MGMT: variants seen among roughly 807,000 people sequenced by gnomAD.
MGMT encodes methylated-DNA--protein-cysteine methyltransferase.
A neutral mutation model predicts 15.9 loss-of-function variants in MGMT; 14 were observed. That is an observed-to-expected ratio of 0.88 (90% confidence interval 0.58 to 1.37). The LOEUF (loss-of-function observed/expected upper bound fraction) is 1.37, where lower values mean the gene tolerates loss of function less well. Among genes scored for constraint, MGMT ranks in the 40% most tolerant of loss-of-function variants. The pLI is 0.00. For missense variants in MGMT, 282 were observed against 268.1 expected (o/e 1.05, Z -0.36); for synonymous variants, 130 against 118.2 (o/e 1.10, Z -0.65).
intron 1 of MGMT, among the ~76,000 whole-genome samples, chr10:129,474,023 G>A (rs948336172): frequency 6.6e-6 from 1 of 152,254 alleles, no homozygotes; most frequent in Admixed American, 6.5e-5. Flanking sequence ...CTACCGGTCA[G>A]GTTTCTCCAA....
rs182297190 is a variant in MGMT at position 129,578,151 on chromosome 10, A to C, written c.125+41774A>C. Reference sequence around the variant, plus strand: ...AATTCCTCAAGGATCTAGAACTAGAAATACCATTTGACCCAGCCATCCTAT... The same window carrying C: ...AATTCCTCAAGGATCTAGAACTAGACATACCATTTGACCCAGCCATCCTAT... On this transcript the variant is annotated intron_variant, in intron 2 of 4. Transcript: ENST00000651593. Among the ~76,000 whole-genome samples, 610 of 152,344 alleles carry C rather than the reference A, an allele frequency of 4.0e-3. 4 individuals carry two copies. The highest frequency in any genetic ancestry group is 0.014 in the African/African-American group (579 of 41,580).
chr10:129,593,257 A>G (rs964842493), intron 2 of MGMT, among the ~76,000 whole-genome samples: 1 of 152,226 alleles, frequency 6.6e-6, no homozygotes, highest in Non-Finnish European at 1.5e-5. Context: ...CCAGGCCTCC[A>G]AGTCATGACG....
chr10:129,531,238 G>A (rs1488839482), intron 1 of MGMT, among the ~76,000 whole-genome samples: 1 of 152,246 alleles, frequency 6.6e-6, no homozygotes, highest in Admixed American at 6.5e-5. Flanking sequence ...GGGCATGGCG[G>A]TATTACTGTG....
chr10:129,619,734 G>GT (rs1387164541), intron 2 of MGMT, among the ~76,000 whole-genome samples: 1 of 152,146 alleles, frequency 6.6e-6, no homozygotes, highest in Non-Finnish European at 1.5e-5. Flanking sequence ...AAGTGGTTGA[G>GT]TTTATTGGCA....
At chr10:129,749,395 C>T (rs1848729237) in intron 3 of MGMT, among the ~76,000 whole-genome samples, 1 of 152,116 alleles carries the variant, frequency 6.6e-6, no homozygotes, top group Admixed American at 6.6e-5. Context: ...AGTATGTAGC[C>T]TTTTCGGCTG....
At chr10:129,756,802 G>A (rs1848812469) in intron 3 of MGMT, among the ~76,000 whole-genome samples, 1 of 152,210 alleles carries the variant, frequency 6.6e-6, no homozygotes, top group African/African-American at 2.4e-5. Flanking sequence ...GCCCCTTTGG[G>A]CCACCTGAAG....
At chr10:129,608,353 A>G (rs1846917544) in intron 2 of MGMT, among the ~76,000 whole-genome samples, 1 of 152,218 alleles carries the variant, frequency 6.6e-6, no homozygotes, top group Non-Finnish European at 1.5e-5. Context: ...GGAGGGGAGG[A>G]ACTCCGGGTT....
At chr10:129,720,365 T>A (rs1285105650) in intron 3 of MGMT, among the ~76,000 whole-genome samples, 1 of 152,044 alleles carries the variant, frequency 6.6e-6, no homozygotes, top group African/African-American at 2.4e-5. Context: ...GTCACTGGGG[T>A]CTGGGGAGCC....
rs368116847 is a variant in MGMT, at chr10:129,674,638, A to G, written c.126-33257A>G. On this transcript the variant is annotated intron_variant, in intron 2 of 4. Transcript: ENST00000651593. ...AGAGTTTCCAAAGGAAAAATAAAAG[A>G]CACATTTCTAGGAAGCATGGGAAAA... Among the ~76,000 whole-genome samples, 15 of 152,354 alleles carry G rather than the reference A, an allele frequency of 9.8e-5. No homozygotes were observed. The East Asian group carries it at 1.9e-3, about 20-fold the overall frequency.
At chr10:129,553,517 GT>G (rs1289509655) in intron 2 of MGMT, among the ~76,000 whole-genome samples, 1 of 152,162 alleles carries the variant, frequency 6.6e-6, no homozygotes, top group Non-Finnish European at 1.5e-5. Context: ...GTCCATTTTT[GT>G]TGAGTACGTT....
At chr10:129,741,710 C>T (rs1286341705) in intron 3 of MGMT, among the ~76,000 whole-genome samples, 2 of 152,242 alleles carry the variant, frequency 1.3e-5, no homozygotes, top group Non-Finnish European at 2.9e-5. Flanking sequence ...CTGCTTTCCA[C>T]CACTCAGCTT....
intron 4 of MGMT, among the ~76,000 whole-genome samples, chr10:129,760,438 T>C (rs1413922572): frequency 1.3e-5 from 2 of 152,206 alleles, no homozygotes; most frequent in Non-Finnish European, 2.9e-5. Context: ...GGAGCACAAA[T>C]ATGATCACTC....
intron 2 of MGMT, among the ~76,000 whole-genome samples, chr10:129,650,992 A>T (rs1321692399): frequency 1.3e-5 from 2 of 152,096 alleles, no homozygotes; most frequent in Non-Finnish European, 2.9e-5. Flanking sequence ...TTGGGGACAG[A>T]GTGTGCAAGG....
chr10:129,600,621 A>T (rs1037353919), intron 2 of MGMT, among the ~76,000 whole-genome samples: 1 of 152,214 alleles, frequency 6.6e-6, no homozygotes, highest in African/African-American at 2.4e-5. Flanking sequence ...CTTTCATTGG[A>T]TTACTTGTTT....
rs114312403 is a variant in MGMT at position 129,671,144 on chromosome 10, G to A, written c.126-36751G>A. ...TCAAACACACCCATTAGTAAAAATC[G>A]AATTACATAAATTTACAGTTAAATA... On this transcript the variant is annotated intron_variant, in intron 2 of 4. Transcript: ENST00000651593. 9.5e-3 allele frequency among the ~76,000 whole-genome samples: 1,448 copies of A among 152,214 alleles called. 21 individuals are homozygous for A. The highest frequency in any genetic ancestry group is 0.033 in the African/African-American group (1,362 of 41,532).
At chr10:129,523,652 CTG>C (rs1263411415) in intron 1 of MGMT, among the ~76,000 whole-genome samples, 1 of 152,154 alleles carries the variant, frequency 6.6e-6, no homozygotes, top group African/African-American at 2.4e-5. Flanking sequence ...GATTTGGGGA[CTG>C]TGAAATCTCT....
rs375612318 is a variant in MGMT, at chr10:129,569,115, G to A, written c.125+32738G>A. Among the ~76,000 whole-genome samples the A allele has an allele frequency of 6.6e-5, 10 of 152,266 alleles. No individual in the cohort carries two copies. In the East Asian group the frequency reaches 1.5e-3, roughly 24 times the overall value. ...CCCACACTCCGGCTCGGCCACTTAC[G>A]GGCTCTGGCAGGTTACCTCAGCTGT... is the stretch of plus-strand genomic sequence containing the variant. On this transcript the variant is annotated intron_variant, in intron 2 of 4. Transcript: ENST00000651593.
chr10:129,742,520 A>G (rs1280122368), intron 3 of MGMT, among the ~76,000 whole-genome samples: 109 of 104,470 alleles, frequency 1.0e-3, no homozygotes, highest in Middle Eastern at 8.6e-3. Flanking sequence ...CATCAGGGCC[A>G]GGGCATTCAG....
At chr10:129,677,579 CTGTT>C (rs1847799684) in intron 2 of MGMT, among the ~76,000 whole-genome samples, 1 of 152,190 alleles carries the variant, frequency 6.6e-6, no homozygotes, top group Admixed American at 6.5e-5. Context: ...TTCACCCAGT[CTGTT>C]TGTAAGCAGT....
Sources: allele counts gnomAD v4.1 joint callset (sites outside exome capture counted in the v4.1 genomes callset), GRCh38; gene constraint gnomAD v4.1.1; transcripts MANE v1.5; gene names NCBI Gene and HGNC (gene_info 2026-07-23, HGNC 2026-07-21).